DST: variants seen among roughly 807,000 people sequenced by gnomAD.
The protein encoded by DST is dystonin.
A neutral mutation model predicts 875.2 loss-of-function variants in DST; 253 were observed. The ratio of observed to expected loss-of-function variants is 0.29; its 90% confidence interval spans 0.26 to 0.32. DST has a LOEUF of 0.32. DST is among the 10% of genes least tolerant of loss of function. The pLI, the probability that DST is intolerant of heterozygous loss-of-function variation, is 1.00. For missense variants in DST, 8,287 were observed against 9,111.6 expected (o/e 0.91, Z 3.68); for synonymous variants, 3,124 against 3,197.1 (o/e 0.98, Z 0.77).
At chr6:56,842,138 T>C (rs1039232585) in intron 4 of DST, among the ~76,000 whole-genome samples, 1 of 152,194 alleles carries the variant, frequency 6.6e-6, no homozygotes, top group Non-Finnish European at 1.5e-5. Flanking sequence ...TCATTAACCA[T>C]ATAATACCAC....
At chr6:56,549,747 T>C (rs2097289081) in intron 61 of DST, among the ~76,000 whole-genome samples, 2 of 152,208 alleles carry the variant, frequency 1.3e-5, no homozygotes, top group African/African-American at 4.8e-5. Context: ...GTGGGTGTTC[T>C]TGGTATTTTG....
At chr6:56,777,707 G>C (rs554306662) in intron 4 of DST, among the ~76,000 whole-genome samples, 1 of 151,878 alleles carries the variant, frequency 6.6e-6, no homozygotes, top group Admixed American at 6.6e-5. Context: ...TCCCACATAG[G>C]ATTTTTTTTT....
intron 15 of DST, chr6:56,642,807 G>GAGAACA: frequency 6.2e-7 from 1 of 1,613,548 alleles, no homozygotes; most frequent in East Asian, 2.2e-5. Context: ...CTGAAACGAT[G>GAGAACA]TTCTTTCTTT....
In DST at chr6:56,509,651, A is replaced by C. The variant is rs750489568; in HGVS notation, c.19003T>G (p.Ser6335Ala). 15 of 1,612,466 alleles carry C rather than the reference A, an allele frequency of 9.3e-6. No homozygotes were observed. The highest frequency in any genetic ancestry group is 1.3e-5 in the Non-Finnish European group (15 of 1,178,808). Residue 6335 changes from serine (S) to alanine (A), a missense_variant, in exon 74 of 104, where the codon TCT (serine) becomes GCT (alanine). Coordinates refer to ENST00000680361, the MANE Select transcript of DST (RefSeq NM_001374736.1). ...ATTCCAAAAGTATTACCTTTGGCAGATATGTCTTTATCAGTCCCCCCAGAT... is the reference window on the plus strand; with the variant it reads ...ATTCCAAAAGTATTACCTTTGGCAGCTATGTCTTTATCAGTCCCCCCAGAT... ...ARSGGTDKDI[S>A]AKAVQDKLDQ...
chr6:56,702,120 A>G (rs2099311092), intron 7 of DST, among the ~76,000 whole-genome samples, 155 bp from the exon 8 acceptor site: 1 of 152,144 alleles, frequency 6.6e-6, no homozygotes, highest in African/African-American at 2.4e-5. Flanking sequence ...ATTTCTTTAT[A>G]TTGTCTGAGA....
rs577231450 is a variant in DST at position 56,670,738 on chromosome 6, G to T, written c.1117C>A (p.Gln373Lys). The change falls in exon 10 of 104, where the codon CAG becomes AAG. Residue 373 changes from glutamine to lysine, a missense_variant. Physicochemically the swap from Gln to Lys is moderately conservative, Grantham distance 53. Transcript: ENST00000680361. The stretch of plus-strand genomic sequence containing the variant: ...CCAGCATAACCCTCTGTTGCCTGCT[G>T]CGTCCAGAGTAGCAATCTCTCTTTT... ...SAKERLLLWTQQATEGYAGIR... is the reference protein window; with the variant it reads ...SAKERLLLWTKQATEGYAGIR... The T allele has an allele frequency of 9.6e-5, 154 of 1,611,042 alleles. No individual in the cohort carries two copies. In the South Asian group the frequency reaches 1.6e-3, roughly 17 times the overall value.
chr6:56,616,316 G>T lies in DST; in HGVS notation c.4930-1832C>A, dbSNP rs374183968. On this transcript the variant is annotated intron_variant, in intron 36 of 103. Coordinates refer to ENST00000680361, the MANE Select transcript of DST (RefSeq NM_001374736.1). ...CAGCATATGAGAAGAATGCCCATAG[G>T]ATTCAAAAAACATAGCTTCCTTCCA... is the stretch of plus-strand genomic sequence containing the variant. 1.5e-5 allele frequency: 25 copies of T among 1,613,518 alleles called. No homozygotes were observed. In the African/African-American group the frequency reaches 2.8e-4, roughly 18 times the overall value.
rs1823154370 is a variant in DST, at chr6:56,953,063, C to A, written c.216+722G>T. On this transcript the variant is annotated intron_variant, in intron 2 of 103. Coordinates refer to ENST00000680361, the MANE Select transcript of DST (RefSeq NM_001374736.1). Reference sequence around the variant, plus strand: ...GCCAACATGAGTAAACTGCACCAAGCAGCAACCTCCAAGCCTGGCGGCGTG... The same window carrying A: ...GCCAACATGAGTAAACTGCACCAAGAAGCAACCTCCAAGCCTGGCGGCGTG... 2.6e-5 allele frequency among the ~76,000 whole-genome samples: 4 copies of A among 152,184 alleles called. No homozygotes were observed. In the South Asian group the frequency reaches 8.3e-4, roughly 31 times the overall value.
chr6:56,590,550 T>C (rs1281646144), intron 49 of DST, among the ~76,000 whole-genome samples: 16 of 152,074 alleles, frequency 1.1e-4, no homozygotes, highest in Non-Finnish European at 2.4e-4. Flanking sequence ...TCCTTGAATA[T>C]ACAATACATG....
At chr6:56,766,362 A>C (rs887187693) in intron 4 of DST, among the ~76,000 whole-genome samples, 3 of 152,138 alleles carry the variant, frequency 2.0e-5, no homozygotes, top group Admixed American at 2.0e-4. Context: ...ACTGCATGCC[A>C]AGTACTAACC....
At chr6:56,705,134 C>T (rs907496976) in intron 5 of DST, among the ~76,000 whole-genome samples, 1 of 152,200 alleles carries the variant, frequency 6.6e-6, no homozygotes, top group Non-Finnish European at 1.5e-5. Flanking sequence ...GCTCTAGTAA[C>T]CACATGGCCC....
chr6:56,626,666 G>A (rs999857888), intron 34 of DST, among the ~76,000 whole-genome samples: 11 of 152,182 alleles, frequency 7.2e-5, no homozygotes, highest in African/African-American at 2.4e-4. Flanking sequence ...ATCCAATCCT[G>A]GAGATGCTTC....
chr6:56,796,763 C>T (rs960745189), intron 4 of DST, among the ~76,000 whole-genome samples: 3 of 146,750 alleles, frequency 2.0e-5, no homozygotes, highest in Non-Finnish European at 3.0e-5. Context: ...ACTGTAGTAA[C>T]GTAACAAGGA....
In DST at chr6:56,473,912, G is replaced by C. The variant is rs749377991; in HGVS notation, c.21955C>G (p.Gln7319Glu). 69 of 1,596,986 alleles carry C rather than the reference G, an allele frequency of 4.3e-5. No individual in the cohort carries two copies. Among genetic ancestry groups the C allele is most frequent in the Non-Finnish European group, 5.7e-5 (67 of 1,170,286 alleles). Reference sequence around the variant, plus strand: ...TTATCCAAGACTGGAATATGGGATTGTAATGAGGAAGGATCAGCAGCTCTC... The same window carrying C: ...TTATCCAAGACTGGAATATGGGATTCTAATGAGGAAGGATCAGCAGCTCTC... ...KRRAADPSSL[Q>E]SHIPVLDKGR... The change falls in exon 93 of 104, where the codon CAA becomes GAA. Residue 7319 changes from glutamine (Q) to glutamate (E), a missense_variant. Physicochemically the swap from Gln to Glu is conservative, Grantham distance 29. Coordinates refer to ENST00000680361, the MANE Select transcript of DST (RefSeq NM_001374736.1).
chr6:56,587,744 G>A (rs1446480262), intron 49 of DST, among the ~76,000 whole-genome samples: 1 of 152,008 alleles, frequency 6.6e-6, no homozygotes, highest in Non-Finnish European at 1.5e-5. Flanking sequence ...AGAAGAGAGT[G>A]GGGGCCAATA....
chr6:56,560,807 C>CT (rs1332940018), intron 57 of DST, among the ~76,000 whole-genome samples: 2 of 152,144 alleles, frequency 1.3e-5, no homozygotes, highest in South Asian at 4.2e-4. Context: ...TGAATAAACA[C>CT]TTTTTTTGGG....
At chr6:56,511,095 G>A (rs566521901) in intron 73 of DST, 102 bp downstream of exon 73, 43 of 1,035,016 alleles carry the variant, frequency 4.2e-5, no homozygotes, top group South Asian at 3.4e-4. Context: ...TGAATGTGGT[G>A]AAATAATTTT....
chr6:56,906,920 C>A (rs1377504355), intron 2 of DST, among the ~76,000 whole-genome samples: 1 of 152,122 alleles, frequency 6.6e-6, no homozygotes, highest in Non-Finnish European at 1.5e-5. Flanking sequence ...GAGGTGATAG[C>A]TCACTGTAGC....
intron 2 of DST, among the ~76,000 whole-genome samples, chr6:56,902,883 T>G (rs1429625092): frequency 6.6e-6 from 1 of 152,074 alleles, no homozygotes; most frequent in Non-Finnish European, 1.5e-5. Flanking sequence ...TTATGCAGCT[T>G]CCTGGACATT....
Sources: gnomAD v4.1 joint callset for allele counts (sites outside exome capture counted in the v4.1 genomes callset) on GRCh38, gnomAD v4.1.1 for gene constraint, MANE v1.5 for transcripts, NCBI Gene and HGNC (gene_info 2026-07-23, HGNC 2026-07-21) for gene names.